Variants in CCDC66 observed in about 807,000 individuals in gnomAD.
The protein encoded by CCDC66 is coiled-coil domain-containing protein 66.
In CCDC66, 133 loss-of-function variants were observed where a neutral mutation model predicts 128.3. The ratio of observed to expected loss-of-function variants is 1.04; its 90% CI spans 0.90 to 1.20. CCDC66 has a LOEUF of 1.20. Among genes scored for constraint, CCDC66 ranks in the 50% most tolerant of loss-of-function variants. CCDC66 has a pLI of 0.00. For synonymous variants in CCDC66, 387 were observed against 357.0 expected (o/e 1.08, Z -0.95); for missense variants, 1,126 against 1,075.5 (o/e 1.05, Z -0.66).
intron 16 of CCDC66, 111 bp downstream of exon 16, chr3:56,619,638 TTGAA>T: frequency 6.7e-7 from 1 of 1,488,492 alleles, no homozygotes; most frequent in Non-Finnish European, 9.0e-7. Flanking sequence ...ATAAAGTTTC[TTGAA>T]TATGTCTTAA....
At chr3:56,615,370 G>A in intron 12 of CCDC66, 98 bp downstream of exon 12, 1 of 1,248,378 alleles carries the variant, frequency 8.0e-7, no homozygotes, top group Non-Finnish European at 1.1e-6. Flanking sequence ...TCATTCTGTT[G>A]CACAGGCTAG....
At chr3:56,575,313 G>A (rs2067209542) in intron 7 of CCDC66, among the ~76,000 whole-genome samples, 1 of 151,672 alleles carries the variant, frequency 6.6e-6, no homozygotes, top group Admixed American at 6.6e-5. Flanking sequence ...GTATCATTGT[G>A]GTTTTCATTT....
At chr3:56,579,411 C>T in intron 7 of CCDC66, among the ~76,000 whole-genome samples, 1 of 151,800 alleles carries the variant, frequency 6.6e-6, no homozygotes, top group Non-Finnish European at 1.5e-5. Context: ...CTATCTCCTT[C>T]AGTTCTGCTT....
intron 7 of CCDC66, 148 bp from the exon 8 acceptor site, chr3:56,592,822 A>C (rs2071163960): frequency 1.4e-6 from 1 of 702,940 alleles, no homozygotes; most frequent in Admixed American, 2.8e-5. Context: ...TAATTCTTTG[A>C]ATTCAAATTC....
intron 15 of CCDC66, 158 bp downstream of exon 15, chr3:56,618,370 G>C (rs1393038957): frequency 1.7e-6 from 1 of 604,120 alleles, no homozygotes; most frequent in Non-Finnish European, 2.9e-6. Flanking sequence ...GGATAGTGTG[G>C]CACTTTAGCA....
rs776474554 is a variant in CCDC66, at chr3:56,616,062, G to A, written c.1843+9G>A. The A allele has an allele frequency of 8.3e-6, 13 of 1,574,058 alleles. No homozygotes were observed. The Admixed American group carries it at 1.3e-4, about 16-fold the overall frequency. On this transcript the variant is annotated intron_variant, in intron 13 of 17. Transcript: ENST00000394672. ...TACTGGTGTGCAAACAGGTATTTGTGTGGAAATTGTGGTTTGGTTTAAAAT... is the reference window on the plus strand; with the variant it reads ...TACTGGTGTGCAAACAGGTATTTGTATGGAAATTGTGGTTTGGTTTAAAAT...
intron 3 of CCDC66, chr3:56,561,041 C>G: frequency 4.7e-6 from 2 of 429,586 alleles, no homozygotes; most frequent in Non-Finnish European, 9.2e-6. Flanking sequence ...ATTCCACAAA[C>G]TACATATAAA....
Position 56,617,543 on chromosome 3 carries a change from G to A in CCDC66, c.2275G>A (p.Glu759Lys). ...CTCTCAAAACAGAGGCATTTCACCA[G>A]AAATTTTTCATTCATCTCATCAAGA... is the stretch of plus-strand genomic sequence containing the variant. ...HLSQNRGISP[E>K]IFHSSHQETE... Residue 759 changes from glutamate to lysine, a missense_variant, in exon 14 of 18, where the codon GAA (glutamate) becomes AAA (lysine). Physicochemically the swap from Glu to Lys is moderately conservative, Grantham distance 56 (BLOSUM62 1). Coordinates refer to ENST00000394672, the MANE Select transcript of CCDC66 (RefSeq NM_001141947.3). 1.2e-6 allele frequency: 2 copies of A among 1,610,024 alleles called. No individual in the cohort carries two copies. Among genetic ancestry groups the A allele is most frequent in the Admixed American group, 3.4e-5 (2 of 59,012 alleles).
At chr3:56,621,272 A>AC (rs1326843522) in intron 17 of CCDC66, 1 of 273,616 alleles carries the variant, frequency 3.7e-6, no homozygotes, top group Non-Finnish European at 6.8e-6. Flanking sequence ...GACTTCATTT[A>AC]CCCCCATAGT....
chr3:56,562,523 T>G (rs1052150999), intron 3 of CCDC66, among the ~76,000 whole-genome samples: 3 of 152,188 alleles, frequency 2.0e-5, no homozygotes, highest in African/African-American at 7.2e-5. Context: ...GTCTCAAAGA[T>G]TAGTTGAACT....
rs201464931 is a variant in CCDC66, at chr3:56,619,940, T to C, written c.2760+39T>C. 2.8e-4 allele frequency: 447 copies of C among 1,599,928 alleles called. 4 individuals are homozygous for C. The East Asian group carries it at 9.9e-3, about 35-fold the overall frequency. ...CAAGTGTAGATATGTCTGTTCTTTA[T>C]GTGGCGTGGGCGGTTGGGGGAACCT... On this transcript the variant is annotated intron_variant, in intron 17 of 17. Transcript: ENST00000394672.
At chr3:56,598,345 T>A (rs890892926) in intron 10 of CCDC66, among the ~76,000 whole-genome samples, 2 of 142,182 alleles carry the variant, frequency 1.4e-5, no homozygotes, top group African/African-American at 2.5e-5. Flanking sequence ...GGGGACTTTT[T>A]ATTTTATTTT....
intron 13 of CCDC66, 166 bp downstream of exon 13, chr3:56,616,219 C>T: frequency 1.8e-6 from 1 of 546,752 alleles, no homozygotes. Context: ...TGTCATGTAC[C>T]ACAAAATTTA....
chr3:56,572,429 G>A, intron 7 of CCDC66: 4 of 1,280,028 alleles, frequency 3.1e-6, no homozygotes, highest in Non-Finnish European at 4.1e-6. Flanking sequence ...GACTTTAGAG[G>A]TAAGTCCTAA....
chr3:56,567,615 T>C lies in CCDC66; in HGVS notation c.814+562T>C, dbSNP rs566191677. On this transcript the variant is annotated intron_variant, in intron 6 of 17. Coordinates refer to ENST00000394672, the MANE Select transcript of CCDC66 (RefSeq NM_001141947.3). Reference sequence around the variant, plus strand: ...CACCATGTTGAGGTTACAGAAACAATAGGGGTTGGAGCATGGCAAAACAGA... The same window carrying C: ...CACCATGTTGAGGTTACAGAAACAACAGGGGTTGGAGCATGGCAAAACAGA... Among the ~76,000 whole-genome samples, 305 of 152,180 alleles carry C rather than the reference T, an allele frequency of 2.0e-3. 12 individuals are homozygous for C. The South Asian group carries it at 0.058, about 29-fold the overall frequency.
At position 56,619,811 on chromosome 3, in the gene CCDC66, C is replaced by T. The variant is rs1006448925; in HGVS notation, c.2670C>T (p.Asp890=). 3 of 1,613,766 alleles carry T rather than the reference C, an allele frequency of 1.9e-6. No homozygotes were observed. Among genetic ancestry groups the T allele is most frequent in the Non-Finnish European group, 1.7e-6 (2 of 1,179,816 alleles). Residue 890 remains aspartate (D), a synonymous_variant, in exon 17 of 18, where the codon GAC becomes GAT. Transcript: ENST00000394672. ...AAAAACGACAGCTATTTGATTCTGACTGTGTCAGGGATCCACTTCTTAATC... is the reference window on the plus strand; with the variant it reads ...AAAAACGACAGCTATTTGATTCTGATTGTGTCAGGGATCCACTTCTTAATC... The part of the protein sequence containing the change: ...CGQKRQLFDS[D]CVRDPLLNPN...
chr3:56,618,008 T>C, intron 14 of CCDC66, 164 bp from the exon 15 acceptor site: 1 of 637,004 alleles, frequency 1.6e-6, no homozygotes, highest in East Asian at 2.7e-5. Flanking sequence ...CTCCCAAGGA[T>C]TAGTTTTGAC....
chr3:56,562,026 G>A (rs960800914), intron 3 of CCDC66, among the ~76,000 whole-genome samples: 4 of 151,444 alleles, frequency 2.6e-5, no homozygotes, highest in African/African-American at 4.8e-5. Flanking sequence ...ATCAAAATCT[G>A]TGCATTTTTC....
At chr3:56,599,360 T>C (rs996302147) in intron 10 of CCDC66, among the ~76,000 whole-genome samples, 2 of 152,038 alleles carry the variant, frequency 1.3e-5, no homozygotes, top group Admixed American at 1.3e-4. Flanking sequence ...TTTTAAAAAA[T>C]CTTTGTTTCT....
Sources: gnomAD v4.1 joint callset for allele counts (sites outside exome capture counted in the v4.1 genomes callset) on GRCh38, gnomAD v4.1.1 for gene constraint, MANE v1.5 for transcripts, NCBI Gene and HGNC (gene_info 2026-07-23, HGNC 2026-07-21) for gene names.